The following PGM2 variants were observed in gnomAD, a reference collection of about 807,000 sequenced individuals.
PGM2 encodes phosphopentomutase.
PGM2 carries 57 observed loss-of-function variants against 74.6 expected under a neutral mutation model. The observed-to-expected ratio is 0.76, with a 90% CI of 0.62 to 0.95. The LOEUF is 0.95. PGM2 is among the 40% of genes least tolerant of loss of function. PGM2 has a pLI of 0.00. For missense variants in PGM2, 706 were observed against 741.9 expected (o/e 0.95, Z 0.56); for synonymous variants, 273 against 260.7 (o/e 1.05, Z -0.46).
chr4:37,838,480 G>T (rs1219193164), intron 4 of PGM2, among the ~76,000 whole-genome samples: 1 of 152,192 alleles, frequency 6.6e-6, no homozygotes, highest in Non-Finnish European at 1.5e-5. Flanking sequence ...AAACTTTTAA[G>T]AGCTGGGCCA....
At chr4:37,834,848 G>A in intron 3 of PGM2, 124 bp downstream of exon 3, 1 of 473,188 alleles carries the variant, frequency 2.1e-6, no homozygotes, top group Non-Finnish European at 3.8e-6. Context: ...TAAAAACAAT[G>A]GGTAAATTCT....
Position 37,850,169 on chromosome 4 carries a change from G to A in PGM2, c.1413-15G>A, listed in dbSNP as rs1220190179. ...ATTTGTTCCTCATGTGCATGAATTT[G>A]TATTTGTTTGATAGGTATGGCTACC... is the stretch of plus-strand genomic sequence containing the variant. On this transcript the variant is annotated splice_polypyrimidine_tract_variant and intron_variant, in intron 11 of 13. Transcript: ENST00000381967. 7 of 1,443,494 alleles carry A rather than the reference G, an allele frequency of 4.8e-6. No individual in the cohort carries two copies. The East Asian group carries it at 1.4e-4, about 29-fold the overall frequency. The allele number at this position is 1,443,494 out of a possible 1,614,324, so 89.4% of individuals were successfully genotyped here. A position where few individuals can be genotyped will look rare whatever the true frequency, so the allele number is the denominator to read the frequency against.
At chr4:37,842,907 C>T (rs1192219767) in intron 6 of PGM2, among the ~76,000 whole-genome samples, 1 of 152,166 alleles carries the variant, frequency 6.6e-6, no homozygotes, top group Non-Finnish European at 1.5e-5. Flanking sequence ...AAGCAATCCA[C>T]CCGCCTCGGC....
intron 12 of PGM2, among the ~76,000 whole-genome samples, chr4:37,854,436 C>T (rs1191751048): frequency 6.6e-6 from 1 of 151,988 alleles, no homozygotes; most frequent in Non-Finnish European, 1.5e-5. Context: ...CTGCAACCTC[C>T]ACCTCCCGGG....
chr4:37,829,928 C>T (rs761901553), intron 1 of PGM2, 36 bp from the exon 2 acceptor site: 10 of 1,380,826 alleles, frequency 7.2e-6, no homozygotes, highest in South Asian at 1.5e-5. Context: ...TTTTCATTCA[C>T]TTGTCTGGCT....
chr4:37,855,893 G>T, intron 13 of PGM2, 152 bp downstream of exon 13: 1 of 604,950 alleles, frequency 1.7e-6, no homozygotes. Flanking sequence ...GGTATTAACA[G>T]TCAGTCTCAG....
intron 6 of PGM2, among the ~76,000 whole-genome samples, chr4:37,840,840 C>T (rs776854110): frequency 1.7e-4 from 26 of 152,128 alleles, no homozygotes; most frequent in South Asian, 4.2e-4. Flanking sequence ...GATGAAATGT[C>T]GGCGAAGGAG....
At chr4:37,847,553 C>T in intron 10 of PGM2, 1 of 413,200 alleles carries the variant, frequency 2.4e-6, no homozygotes, top group Non-Finnish European at 4.5e-6. Flanking sequence ...TGCTTGGCTG[C>T]CGGTACATGT....
intron 13 of PGM2, among the ~76,000 whole-genome samples, chr4:37,856,932 T>A (rs909851203): frequency 2.6e-5 from 4 of 152,166 alleles, no homozygotes; most frequent in Non-Finnish European, 5.9e-5. Flanking sequence ...ATTAATGAGA[T>A]GTTTTACATT....
intron 1 of PGM2, among the ~76,000 whole-genome samples, chr4:37,829,331 A>T (rs915914455): frequency 6.6e-6 from 1 of 152,210 alleles, no homozygotes; most frequent in South Asian, 2.1e-4. Context: ...TTCCCCATCT[A>T]TAAAATTGGG....
chr4:37,834,406 G>C (rs1725511371), intron 2 of PGM2, among the ~76,000 whole-genome samples: 1 of 151,938 alleles, frequency 6.6e-6, no homozygotes. Flanking sequence ...AGTGATCAAT[G>C]ACTAACACAG....
Position 37,830,318 on chromosome 4 carries a change from T to C in PGM2, c.249+187T>C, listed in dbSNP as rs372505899. 1.7e-4 allele frequency among the ~76,000 whole-genome samples: 26 copies of C among 152,228 alleles called. 1 individual carries two copies. Among genetic ancestry groups the C allele is most frequent in the East Asian group, 1.3e-3 (7 of 5,202 alleles). ...CGAAGTAGCACTTATTCAGGACTCA[T>C]ATAGCCATCCATCCATTCATTCATT... On this transcript the variant is annotated intron_variant, in intron 2 of 13. Transcript: ENST00000381967.
Position 37,840,183 on chromosome 4 carries a change from A to C in PGM2, c.643A>C (p.Ser215Arg). ...TTGGGACGATTCTTTAATTGATAGC[A>C]GTCCACTTCTCCACAATCCGAGTGC... ...QAWDDSLIDS[S>R]PLLHNPSASI... Residue 215 changes from serine to arginine, a missense_variant, in exon 6 of 14, where the codon AGT becomes CGT. By Grantham distance (110) the Ser-to-Arg change is moderately radical. Coordinates refer to ENST00000381967, the MANE Select transcript of PGM2 (RefSeq NM_018290.4). The C allele has an allele frequency of 6.2e-7, 1 of 1,612,750 alleles. No individual in the cohort carries two copies. The highest frequency in any genetic ancestry group is 8.5e-7 in the Non-Finnish European group (1 of 1,178,724).
chr4:37,828,403 T>C (rs1725353688), intron 1 of PGM2, among the ~76,000 whole-genome samples: 1 of 152,104 alleles, frequency 6.6e-6, no homozygotes, highest in South Asian at 2.1e-4. Context: ...TCTTCTTTGC[T>C]TTGAGACTGG....
chr4:37,851,970 C>CTTTT (rs1553886914), intron 12 of PGM2, among the ~76,000 whole-genome samples: 36 of 135,000 alleles, frequency 2.7e-4, no homozygotes, highest in South Asian at 4.6e-4. Context: ...TGTTTGTTTT[C>CTTTT]TTTTTTTTTG....
At chr4:37,849,481 G>A (rs1276063149) in intron 11 of PGM2, among the ~76,000 whole-genome samples, 8 of 144,488 alleles carry the variant, frequency 5.5e-5, no homozygotes, top group Admixed American at 3.6e-4. Flanking sequence ...GTGTGATCTC[G>A]GCTTACTGCA....
intron 3 of PGM2, among the ~76,000 whole-genome samples, chr4:37,837,029 G>A (rs1002864726): frequency 5.3e-5 from 8 of 152,228 alleles, no homozygotes; most frequent in African/African-American, 1.9e-4. Flanking sequence ...ACTGCACAGT[G>A]GCTGGATGAT....
intron 13 of PGM2, among the ~76,000 whole-genome samples, chr4:37,858,244 C>T (rs1711602789): frequency 6.6e-6 from 1 of 152,088 alleles, no homozygotes; most frequent in Non-Finnish European, 1.5e-5. Flanking sequence ...TTAAATGGGA[C>T]ATTAAGCGCT....
rs1725665999 is a variant in PGM2, at chr4:37,840,076, A to G, written c.536A>G (p.Asp179Gly). ...TCCTGGGTCCTCTAGGTCTATTGGG[A>G]TAATGGAGCTCAGATCATTTCTCCT... Reference protein sequence around the residue: ...KQDNGYKVYWDNGAQIISPHD... With the variant: ...KQDNGYKVYWGNGAQIISPHD... Residue 179 changes from aspartate (D) to glycine (G), a missense_variant, in exon 6 of 14, where the codon GAT becomes GGT. Asp to Gly is a moderately conservative substitution (Grantham distance 94, BLOSUM62 -1). Around this residue, in one of 3 missense-constraint regions of PGM2, gnomAD observed 332 missense variants for 334.9 expected, o/e 0.99. Coordinates refer to ENST00000381967, the MANE Select transcript of PGM2 (RefSeq NM_018290.4). The G allele has an allele frequency of 6.2e-7, 1 of 1,613,478 alleles. No individual in the cohort carries two copies. Among genetic ancestry groups the G allele is most frequent in the African/African-American group, 1.3e-5 (1 of 74,994 alleles).
Sources: allele counts gnomAD v4.1 joint callset (sites outside exome capture counted in the v4.1 genomes callset), GRCh38; gene constraint gnomAD v4.1.1; regional missense constraint gnomAD v4.1.1; transcripts MANE v1.5; gene names NCBI Gene and HGNC (gene_info 2026-07-23, HGNC 2026-07-21).